DGKK: variants seen among roughly 807,000 people sequenced by gnomAD.
DGKK encodes diacylglycerol kinase kappa, also known as 142 kDa diacylglycerol kinase.
Under a neutral mutation model 92.2 loss-of-function variants are expected in DGKK, and 35 were observed. The ratio of observed to expected loss-of-function variants is 0.38; its 90% CI spans 0.29 to 0.50. The LOEUF is 0.50. Among genes scored for constraint, DGKK ranks in the 20% least tolerant of loss-of-function variants. The pLI, the probability that DGKK is intolerant of heterozygous loss-of-function variation, is 0.92. For synonymous variants in DGKK, 368 were observed against 360.6 expected (o/e 1.02, Z -0.23); for missense variants, 910 against 992.2 (o/e 0.92, Z 1.11).
At chrX:50,430,555 A>C (rs1473303451) in intron 1 of DGKK, among the ~76,000 whole-genome samples, 2 of 111,774 alleles carry the variant, frequency 1.8e-5, no homozygotes, top group Non-Finnish European at 3.8e-5. Flanking sequence ...GCTTCATTCA[A>C]ATTCAAGAAT....
At chrX:50,408,472 G>A (rs1205228819) in intron 4 of DGKK, among the ~76,000 whole-genome samples, 1 of 111,448 alleles carries the variant, frequency 9.0e-6, no homozygotes, top group Non-Finnish European at 1.9e-5. Flanking sequence ...TCCGCCTCCC[G>A]GGTTCACGCC....
chrX:50,384,625 A>G (rs782593843), intron 16 of DGKK, 95 bp downstream of exon 16: 21 of 822,473 alleles, frequency 2.6e-5, no homozygotes, highest in Non-Finnish European at 3.4e-5. Flanking sequence ...GATTATGGCT[A>G]AAAGAGGATG....
At chrX:50,414,277 G>A (rs986388967) in intron 4 of DGKK, among the ~76,000 whole-genome samples, 1 of 111,371 alleles carries the variant, frequency 9.0e-6, no homozygotes, top group South Asian at 3.8e-4. Flanking sequence ...CTATTGTGCA[G>A]CAGGGTAACT....
At chrX:50,403,947 G>T in intron 5 of DGKK, 102 bp downstream of exon 5, 1 of 1,000,302 alleles carries the variant, frequency 1.0e-6, no homozygotes, top group Non-Finnish European at 1.4e-6. Context: ...TCACACCAGA[G>T]TCAGTGACCT....
intron 25 of DGKK, among the ~76,000 whole-genome samples, chrX:50,374,388 T>C (rs1361376610): frequency 9.0e-6 from 1 of 111,097 alleles, no homozygotes; most frequent in Non-Finnish European, 1.9e-5. Flanking sequence ...CCCTTACAGG[T>C]TTTAGAGAGA....
chrX:50,367,307 G>C lies in DGKK; in HGVS notation c.*1633C>G, dbSNP rs1442879297. On this transcript the variant is annotated 3_prime_UTR_variant, in exon 28 of 28. Coordinates refer to ENST00000611977, the MANE Select transcript of DGKK (RefSeq NM_001013742.4). ...TGGGGTGAAGATGCAAGGCTGACCA[G>C]AGAGAACCTCTCTGGGCATTGGGGT... The C allele has an allele frequency of 8.9e-6, 1 of 111,799 alleles. No individual in the cohort carries two copies. The highest frequency in any genetic ancestry group is 1.9e-5 in the Non-Finnish European group (1 of 53,161). The allele number at this position is 111,799 out of a possible 1,213,427, so 9.2% of individuals were successfully genotyped here.
chrX:50,407,542 A>G (rs1557227406), intron 4 of DGKK, among the ~76,000 whole-genome samples: 1 of 111,088 alleles, frequency 9.0e-6, no homozygotes, highest in Non-Finnish European at 1.9e-5. Context: ...TCCTCTTATT[A>G]TAAGGCCACT....
chrX:50,429,041 A>G (rs1557229986), intron 1 of DGKK, among the ~76,000 whole-genome samples: 1 of 111,806 alleles, frequency 8.9e-6, no homozygotes, highest in East Asian at 2.8e-4. Context: ...TAACAAGCAA[A>G]TGCATCCTGC....
chrX:50,417,942 C>T (rs1411953708), intron 4 of DGKK, among the ~76,000 whole-genome samples: 3 of 111,509 alleles, frequency 2.7e-5, no homozygotes, highest in Non-Finnish European at 5.7e-5. Flanking sequence ...GACTCACTTT[C>T]CTAAACTTTT....
At chrX:50,421,873 G>A (rs1925598234) in intron 3 of DGKK, among the ~76,000 whole-genome samples, 1 of 111,749 alleles carries the variant, frequency 8.9e-6, no homozygotes, top group African/African-American at 3.3e-5. Flanking sequence ...GAGGTGGGTA[G>A]GAGAATTCCT....
intron 13 of DGKK, 59 bp downstream of exon 13, chrX:50,388,467 AT>A: frequency 1.1e-6 from 1 of 892,698 alleles, no homozygotes; most frequent in Non-Finnish European, 1.6e-6. Context: ...AGCTATCAAA[AT>A]GAGCCCCATG....
intron 2 of DGKK, 35 bp from the exon 3 acceptor site, chrX:50,422,561 C>T (rs782601067): frequency 3.0e-5 from 31 of 1,048,733 alleles, no homozygotes; most frequent in Middle Eastern, 2.6e-4. Context: ...GACAAGGAAC[C>T]GTCTGGTTAA....
intron 21 of DGKK, 103 bp downstream of exon 21, chrX:50,378,475 C>T (rs991611482): frequency 2.4e-6 from 2 of 830,409 alleles, no homozygotes; most frequent in Non-Finnish European, 3.4e-6. Flanking sequence ...GCTCACTCCA[C>T]CCTGGCATTC....
chrX:50,378,272 G>C, intron 21 of DGKK, 40 bp from the exon 22 acceptor site: 1 of 1,184,371 alleles, frequency 8.4e-7, no homozygotes, highest in Non-Finnish European at 1.1e-6. Flanking sequence ...AGAAAAATGG[G>C]GCAACTGCTG....
chrX:50,388,658 C>A, intron 12 of DGKK, 40 bp from the exon 13 acceptor site: 3 of 1,018,785 alleles, frequency 2.9e-6, no homozygotes, highest in Non-Finnish European at 4.1e-6. Flanking sequence ...AATCTTAGTA[C>A]AATAACACAG....
intron 1 of DGKK, among the ~76,000 whole-genome samples, chrX:50,441,904 G>A (rs1187561923): frequency 2.7e-5 from 3 of 111,277 alleles, no homozygotes; most frequent in African/African-American, 9.8e-5. Flanking sequence ...GTCATCTTAT[G>A]TCTTCTTCCT....
In DGKK at chrX:50,371,822, C is replaced by T. The variant is rs1557223264; in HGVS notation, c.3514G>A (p.Glu1172Lys). Residue 1172 changes from glutamate to lysine, a missense_variant, in exon 26 of 28, where the codon GAG becomes AAG. Coordinates refer to ENST00000611977, the MANE Select transcript of DGKK (RefSeq NM_001013742.4). ...GCGCTTTGTAGTGCAGTCTCATCCT[C>T]AGCACTTCTCAGCTGGTACAGACAG... ...FLDEKLLRSA[E>K]DETALQSALD... is the part of the protein sequence containing the mutation. 10 of 1,184,376 alleles carry T rather than the reference C, an allele frequency of 8.4e-6. No homozygotes were observed. Among genetic ancestry groups the T allele is most frequent in the Non-Finnish European group, 1.1e-5 (10 of 873,178 alleles).
At position 50,386,551 on chromosome X, in the gene DGKK, G is replaced by A. The variant is rs1242474189; in HGVS notation, c.2154C>T (p.Ile718=). 1.2e-5 allele frequency: 15 copies of A among 1,208,549 alleles called. No homozygotes were observed. Among genetic ancestry groups the A allele is most frequent in the South Asian group, 3.5e-5 (2 of 56,715 alleles). The change falls in exon 15 of 28, where the codon ATC becomes ATT. Residue 718 remains isoleucine (I), a synonymous_variant. Transcript: ENST00000611977. ...CTGCTGCCTCCTCAGCCAGGACATC[G>A]ATCAGGACACTGAGCCTATCATACA... The part of the protein sequence containing the change: ...DLMYDRLSVL[I]DVLAEEAAAT...
intron 7 of DGKK, 107 bp downstream of exon 7, chrX:50,402,954 G>A (rs1925047784): frequency 9.7e-7 from 1 of 1,028,820 alleles, no homozygotes; most frequent in Admixed American, 3.4e-5. Flanking sequence ...CCTGTTTTGA[G>A]ATAAGAGTTT....
Sources: allele counts gnomAD v4.1 joint callset (sites outside exome capture counted in the v4.1 genomes callset), GRCh38; gene constraint gnomAD v4.1.1; transcripts MANE v1.5; gene names NCBI Gene and HGNC (gene_info 2026-07-23, HGNC 2026-07-21).